Variants in ARHGAP6 observed in about 807,000 individuals in gnomAD.
The protein encoded by ARHGAP6 is rho GTPase-activating protein 6.
Under a neutral mutation model 55.7 loss-of-function variants are expected in ARHGAP6, and 16 were observed. That is an observed-to-expected ratio of 0.29 (90% CI 0.19 to 0.44). The LOEUF is 0.44. ARHGAP6 is among the 20% of genes least tolerant of loss of function. The pLI is 1.00. For synonymous variants in ARHGAP6, 382 were observed against 360.9 expected (o/e 1.06, Z -0.66); for missense variants, 698 against 808.9 (o/e 0.86, Z 1.66).
intron 1 of ARHGAP6, chrX:11,334,257 G>A (rs774544847): frequency 7.1e-6 from 1 of 139,876 alleles, no homozygotes; most frequent in Admixed American, 7.0e-5. Flanking sequence ...GAATGGCATA[G>A]GCAAGATTAC....
chrX:11,395,435 A>G (rs901386470), intron 1 of ARHGAP6, among the ~76,000 whole-genome samples: 7 of 112,605 alleles, frequency 6.2e-5, no homozygotes, highest in African/African-American at 2.3e-4. Flanking sequence ...AACATTTAAC[A>G]ACTGGTTCTC....
At chrX:11,630,032 T>A (rs1192123565) in intron 1 of ARHGAP6, among the ~76,000 whole-genome samples, 2 of 110,695 alleles carry the variant, frequency 1.8e-5, no homozygotes, top group African/African-American at 6.6e-5. Flanking sequence ...TGTGTGTGTA[T>A]TCACCCTACA....
At chrX:11,508,760 C>A (rs1414016408) in intron 1 of ARHGAP6, among the ~76,000 whole-genome samples, 1 of 108,601 alleles carries the variant, frequency 9.2e-6, no homozygotes, top group Non-Finnish European at 1.9e-5. Flanking sequence ...TCCTCAGCCC[C>A]ACCCCTTTCG....
intron 12 of ARHGAP6, 24 bp from the exon 13 acceptor site, chrX:11,139,554 A>C: frequency 1.8e-6 from 2 of 1,127,265 alleles, no homozygotes; most frequent in Non-Finnish European, 2.3e-6. Context: ...AGAAAGCCCA[A>C]GAAATGGAAT....
chrX:11,163,401 A>G (rs1414415225), intron 9 of ARHGAP6, among the ~76,000 whole-genome samples: 1 of 111,718 alleles, frequency 9.0e-6, no homozygotes, highest in African/African-American at 3.3e-5. Context: ...AGTTTTCTCC[A>G]TTTACTAAGT....
chrX:11,174,619 TTTCTTTTC>T (rs2046163532), intron 8 of ARHGAP6, among the ~76,000 whole-genome samples: 1 of 63,152 alleles, frequency 1.6e-5, no homozygotes, highest in Admixed American at 1.9e-4. Flanking sequence ...TTTCTTTCTC[TTTCTTTTC>T]TTTCTTTCTT....
chrX:11,151,820 A>T (rs1468036362), intron 10 of ARHGAP6, among the ~76,000 whole-genome samples: 1 of 112,079 alleles, frequency 8.9e-6, no homozygotes, highest in African/African-American at 3.2e-5. Flanking sequence ...AGGAATGTAA[A>T]GCTTTGTTTA....
intron 10 of ARHGAP6, among the ~76,000 whole-genome samples, chrX:11,150,269 A>G (rs1179301283): frequency 4.5e-5 from 5 of 111,619 alleles, no homozygotes; most frequent in Non-Finnish European, 7.5e-5. Context: ...GTCACAGATG[A>G]TCTGAGCTCT....
At chrX:11,396,697 C>T (rs1005338398) in intron 1 of ARHGAP6, among the ~76,000 whole-genome samples, 1 of 111,331 alleles carries the variant, frequency 9.0e-6, no homozygotes, top group Admixed American at 9.5e-5. Flanking sequence ...AGATGAGAGA[C>T]GCTGACTTAC....
chrX:11,175,696 A>G (rs2147323082), intron 8 of ARHGAP6, among the ~76,000 whole-genome samples: 1 of 111,222 alleles, frequency 9.0e-6, no homozygotes, highest in Non-Finnish European at 1.9e-5. Context: ...GGTTGTCACA[A>G]CTTGGTGGGA....
chrX:11,328,901 T>C lies in ARHGAP6; in HGVS notation c.589-74194A>G, dbSNP rs186730975. On this transcript the variant is annotated intron_variant, in intron 1 of 12. Transcript: ENST00000337414. ...ATTCAATCCAAAGACTATTAACTCA[T>C]GTAGCTAGATCACTCTTCAGACATA... Among the ~76,000 whole-genome samples, 372 of 112,123 alleles carry C rather than the reference T, an allele frequency of 3.3e-3. 1 individual carries two copies. The highest frequency in any genetic ancestry group is 0.014 in the Middle Eastern group (3 of 219).
chrX:11,296,702 C>G, intron 1 of ARHGAP6: 1 of 1,042,369 alleles, frequency 9.6e-7, no homozygotes, highest in Non-Finnish European at 1.3e-6. Flanking sequence ...CTGACTTAAT[C>G]TCTTCCTCTC....
intron 1 of ARHGAP6, among the ~76,000 whole-genome samples, chrX:11,507,001 T>C (rs972026294): frequency 1.8e-5 from 2 of 112,327 alleles, no homozygotes; most frequent in African/African-American, 6.5e-5. Context: ...ATGGTGAGCA[T>C]TTTTTCATAG....
At chrX:11,588,641 A>G (rs889379964) in intron 1 of ARHGAP6, among the ~76,000 whole-genome samples, 2 of 112,382 alleles carry the variant, frequency 1.8e-5, no homozygotes, top group African/African-American at 6.5e-5. Context: ...TGAAAACACC[A>G]TTTTAAATGA....
intron 1 of ARHGAP6, among the ~76,000 whole-genome samples, chrX:11,623,401 A>C (rs1374042301): frequency 9.0e-6 from 1 of 111,413 alleles, no homozygotes; most frequent in Non-Finnish European, 1.9e-5. Context: ...AAAACTATGA[A>C]ACACTGATTT....
rs747537629 is a variant in ARHGAP6, at chrX:11,138,838, A to AG, written c.*24dup. The AG allele has an allele frequency of 4.3e-5, 50 of 1,159,642 alleles. No individual in the cohort carries two copies. The highest frequency in any genetic ancestry group is 5.1e-5 in the Non-Finnish European group (45 of 875,093). ...GGCTGGAGGGCGGGGGGCTCGGGGC[A>AG]GGGGGGGCTCGGCTGGGTGCGGGCT... is the stretch of plus-strand genomic sequence containing the variant. On this transcript the variant is annotated 3_prime_UTR_variant, in exon 13 of 13. Coordinates refer to ENST00000337414, the MANE Select transcript of ARHGAP6 (RefSeq NM_013427.3).
chrX:11,398,170 T>C (rs1449797697), intron 1 of ARHGAP6, among the ~76,000 whole-genome samples: 1 of 108,287 alleles, frequency 9.2e-6, no homozygotes, highest in African/African-American at 3.4e-5. Context: ...AATAATTGTA[T>C]ATGTTTCCTA....
chrX:11,155,327 T>G (rs1007726171), intron 10 of ARHGAP6, among the ~76,000 whole-genome samples: 1 of 111,135 alleles, frequency 9.0e-6, no homozygotes, highest in Non-Finnish European at 1.9e-5. Flanking sequence ...TGAGACAGAG[T>G]CTCACTCTGT....
intron 1 of ARHGAP6, among the ~76,000 whole-genome samples, chrX:11,257,040 T>A (rs2047502403): frequency 9.0e-6 from 1 of 111,441 alleles, no homozygotes; most frequent in South Asian, 3.8e-4. Flanking sequence ...TAAGAAAAAA[T>A]AGGACATATA....
Sources: gnomAD v4.1 joint callset for allele counts (sites outside exome capture counted in the v4.1 genomes callset) on GRCh38, gnomAD v4.1.1 for gene constraint, MANE v1.5 for transcripts, NCBI Gene and HGNC (gene_info 2026-07-23, HGNC 2026-07-21) for gene names.